The following COL26A1 variants were observed in gnomAD, a reference collection of about 807,000 sequenced individuals.
COL26A1 encodes the protein collagen alpha-1(XXVI) chain.
Under a neutral mutation model 59.3 loss-of-function variants are expected in COL26A1, and 41 were observed. The observed-to-expected ratio is 0.69, with a 90% CI of 0.54 to 0.90. The LOEUF (loss-of-function observed/expected upper bound fraction) is 0.90. Among genes scored for constraint, COL26A1 ranks in the 40% least tolerant of loss-of-function variants. COL26A1 has a pLI of 0.00. For missense variants in COL26A1, 612 were observed against 602.3 expected, an observed-to-expected ratio of 1.02 and a Z score of -0.17; for synonymous variants, 266 against 256.0, an observed-to-expected ratio of 1.04 and a Z score of -0.37.
At chr7:101,460,510 C>T (rs1793584124) in intron 3 of COL26A1, among the ~76,000 whole-genome samples, 1 of 152,076 alleles carries the variant, frequency 6.6e-6, no homozygotes. Context: ...AGGCCAGGCG[C>T]GGTGGCTCAC....
chr7:101,363,210 G>A lies in COL26A1; in HGVS notation c.158+20G>A. On this transcript the variant is annotated intron_variant, in intron 1 of 12. Coordinates refer to ENST00000313669, the MANE Select transcript of COL26A1 (RefSeq NM_001278563.3). ...CCGCCGGTGAGTAGCTCGGGGCCGA[G>A]GGGCCGGGGGGTGGGGGGAGGGAGC... 1 of 1,384,786 alleles carries A rather than the reference G, an allele frequency of 7.2e-7. No individual in the cohort carries two copies. Among genetic ancestry groups the A allele is most frequent in the South Asian group, 1.4e-5 (1 of 70,140 alleles). The allele number at this position is 1,384,786 out of a possible 1,614,324, so 85.8% of individuals were successfully genotyped here.
intron 11 of COL26A1, 26 bp from the exon 12 acceptor site, chr7:101,555,761 G>T: frequency 6.3e-7 from 1 of 1,587,962 alleles, no homozygotes; most frequent in South Asian, 1.1e-5. Context: ...GGCCGGCCCT[G>T]ACCCTGCCTG....
chr7:101,363,551 G>A (rs1345887059), intron 1 of COL26A1, among the ~76,000 whole-genome samples: 33 of 145,940 alleles, frequency 2.3e-4, no homozygotes, highest in African/African-American at 8.0e-4. Context: ...GGCGGGGGTT[G>A]GGGGCTGCAG....
At chr7:101,397,538 C>G (rs981742920) in intron 1 of COL26A1, among the ~76,000 whole-genome samples, 8 of 128,194 alleles carry the variant, frequency 6.2e-5, no homozygotes, top group African/African-American at 1.3e-4. Context: ...TCCTCCCCCC[C>G]CCTCCTTTTT....
chr7:101,409,514 C>T (rs1208456952), intron 1 of COL26A1, among the ~76,000 whole-genome samples: 1 of 152,208 alleles, frequency 6.6e-6, no homozygotes, highest in Admixed American at 6.5e-5. Flanking sequence ...CCAGGGCTGC[C>T]ATGCCACCGA....
chr7:101,466,075 T>A (rs1318115198), intron 3 of COL26A1, among the ~76,000 whole-genome samples: 1 of 151,982 alleles, frequency 6.6e-6, no homozygotes, highest in African/African-American at 2.4e-5. Context: ...CATTGATCAC[T>A]CCCAGCCTGT....
intron 3 of COL26A1, among the ~76,000 whole-genome samples, chr7:101,463,111 T>C (rs1793653722): frequency 6.6e-6 from 1 of 152,184 alleles, no homozygotes; most frequent in South Asian, 2.1e-4. Context: ...GCTTACCTTC[T>C]CTAAATGTGT....
In COL26A1 at chr7:101,417,873, C is replaced by T. The variant is rs575642225; in HGVS notation, c.159-2104C>T. The stretch of plus-strand genomic sequence containing the variant: ...AGTAGCTGGGTCTACAGGTGTGTGC[C>T]ACCAAGCCTGGCTATTTGTTTTTGC... On this transcript the variant is annotated intron_variant, in intron 1 of 12. Coordinates refer to ENST00000313669, the MANE Select transcript of COL26A1 (RefSeq NM_001278563.3). 7.9e-5 allele frequency among the ~76,000 whole-genome samples: 12 copies of T among 152,000 alleles called. No homozygotes were observed. The South Asian group carries it at 2.5e-3, about 32-fold the overall frequency.
intron 1 of COL26A1, among the ~76,000 whole-genome samples, chr7:101,390,971 T>C (rs78240536): frequency 0.062 from 9,380 of 152,234 alleles, 666 homozygotes; most frequent in African/African-American, 0.16. Context: ...TTTCCCTCTC[T>C]AGGTCTACTC....
intron 1 of COL26A1, among the ~76,000 whole-genome samples, chr7:101,366,474 ATTTTTTTTTT>A (rs869149636): frequency 1.2e-4 from 9 of 76,274 alleles, no homozygotes; most frequent in African/African-American, 1.1e-4. Context: ...TTAACGTCTG[ATTTTTTTTTT>A]TTTTTTTTTT....
Position 101,494,705 on chromosome 7 carries a change from T to C in COL26A1, c.386-38377T>C, listed in dbSNP as rs554539377. 2.0e-5 allele frequency among the ~76,000 whole-genome samples: 3 copies of C among 152,280 alleles called. No homozygotes were observed. In the East Asian group the frequency reaches 5.8e-4, roughly 29 times the overall value. On this transcript the variant is annotated intron_variant, in intron 3 of 12. Coordinates refer to ENST00000313669, the MANE Select transcript of COL26A1 (RefSeq NM_001278563.3). Reference sequence around the variant, plus strand: ...TTGGTGAATGGGTGAGAGAGTGAATTAAGTCAAGGAAGCCACAGCAGGGGG... The same window carrying C: ...TTGGTGAATGGGTGAGAGAGTGAATCAAGTCAAGGAAGCCACAGCAGGGGG...
In COL26A1 at chr7:101,469,937, G is replaced by A. The variant is rs894022854; in HGVS notation, c.385+22150G>A. Among the ~76,000 whole-genome samples, 5 of 152,004 alleles carry A rather than the reference G, an allele frequency of 3.3e-5. 1 individual carries two copies. The highest frequency in any genetic ancestry group is 4.2e-4 in the South Asian group (2 of 4,816). On this transcript the variant is annotated intron_variant, in intron 3 of 12. Coordinates refer to ENST00000313669, the MANE Select transcript of COL26A1 (RefSeq NM_001278563.3). ...GGAGAGATGCACGTGAAGTGGCGTC[G>A]CTGTCTGGGGTAAATACTCAAGATT...
intron 3 of COL26A1, among the ~76,000 whole-genome samples, chr7:101,503,891 C>T (rs370239878): frequency 6.6e-6 from 1 of 152,236 alleles, no homozygotes; most frequent in East Asian, 1.9e-4. Context: ...TTGTTAGAAC[C>T]TAGGCCTGCC....
intron 3 of COL26A1, among the ~76,000 whole-genome samples, chr7:101,517,518 A>G (rs576646772): frequency 6.6e-6 from 1 of 152,270 alleles, no homozygotes; most frequent in African/African-American, 2.4e-5. Flanking sequence ...GGGTGCAGGG[A>G]AACTCCCACT....
chr7:101,372,489 G>A (rs1256937220), intron 1 of COL26A1, among the ~76,000 whole-genome samples: 1 of 152,108 alleles, frequency 6.6e-6, no homozygotes, highest in African/African-American at 2.4e-5. Context: ...TTAGGATTGT[G>A]TTCCTGACCA....
intron 3 of COL26A1, among the ~76,000 whole-genome samples, chr7:101,500,108 T>A (rs1466771750): frequency 6.6e-6 from 1 of 152,220 alleles, no homozygotes; most frequent in African/African-American, 2.4e-5. Flanking sequence ...AACCTGCCCC[T>A]TCTGCATTTG....
At chr7:101,494,593 C>T (rs1228814887) in intron 3 of COL26A1, among the ~76,000 whole-genome samples, 1 of 152,212 alleles carries the variant, frequency 6.6e-6, no homozygotes, top group African/African-American at 2.4e-5. Flanking sequence ...GACTCAGAGC[C>T]CCTTGAGGGG....
intron 3 of COL26A1, among the ~76,000 whole-genome samples, chr7:101,528,548 T>A (rs895166928): frequency 6.8e-6 from 1 of 146,724 alleles, no homozygotes; most frequent in Non-Finnish European, 1.5e-5. Context: ...TCCTGTCCTC[T>A]CCCTTCCCCT....
At chr7:101,371,374 T>C (rs1196187628) in intron 1 of COL26A1, among the ~76,000 whole-genome samples, 1 of 152,130 alleles carries the variant, frequency 6.6e-6, no homozygotes, top group Admixed American at 6.6e-5. Context: ...TGTGATTAGC[T>C]ATGGTGCCTC....
Sources: gnomAD v4.1 joint callset for allele counts (sites outside exome capture counted in the v4.1 genomes callset) on GRCh38, gnomAD v4.1.1 for gene constraint, MANE v1.5 for transcripts, NCBI Gene and HGNC (gene_info 2026-07-23, HGNC 2026-07-21) for gene names.